TRIO: variants seen among roughly 807,000 people sequenced by gnomAD.
TRIO encodes the protein trio Rho guanine nucleotide exchange factor.
In TRIO, 58 loss-of-function variants were observed where a neutral mutation model predicts 351.9. The ratio of observed to expected loss-of-function variants is 0.16; its 90% confidence interval spans 0.13 to 0.21. The LOEUF is 0.21. TRIO is among the 10% of genes least tolerant of loss of function. The pLI is 1.00. For synonymous variants in TRIO, 1,758 were observed against 1,595.7 expected, an observed-to-expected ratio of 1.10 and a Z score of -2.42; for missense variants, 3,201 against 4,027.8, an observed-to-expected ratio of 0.79 and a Z score of 5.56.
At chr5:14,365,643 C>T (rs1436647933) in intron 15 of TRIO, among the ~76,000 whole-genome samples, 1 of 152,160 alleles carries the variant, frequency 6.6e-6, no homozygotes, top group Non-Finnish European at 1.5e-5. Context: ...TAAGAAATAA[C>T]GGAATAAATA....
At chr5:14,327,924 T>C (rs76509539) in intron 9 of TRIO, among the ~76,000 whole-genome samples, 9,710 of 152,292 alleles carry the variant, frequency 0.064, 393 homozygotes, top group African/African-American at 0.12. Flanking sequence ...TAAAAGACTG[T>C]GGGACAAACA....
intron 1 of TRIO, among the ~76,000 whole-genome samples, chr5:14,175,683 A>C (rs953200371): frequency 6.6e-6 from 1 of 152,242 alleles, no homozygotes; most frequent in African/African-American, 2.4e-5. Context: ...TTTTATTTAA[A>C]ACTAGTCACA....
At position 14,287,099 on chromosome 5, in the gene TRIO, G is replaced by T. The variant is rs536603253; in HGVS notation, c.540+36G>T. The T allele has an allele frequency of 5.0e-5, 80 of 1,595,118 alleles. No homozygotes were observed. In the South Asian group the frequency reaches 9.0e-4, roughly 18 times the overall value. On this transcript the variant is annotated intron_variant, in intron 4 of 56. Transcript: ENST00000344204. ...CCGTGTGGCTAGACCCACTAAACAA[G>T]TTGGTGTGGTTTACTAAAAGCTATT...
intron 9 of TRIO, among the ~76,000 whole-genome samples, chr5:14,325,372 G>C (rs1016668065): frequency 7.9e-5 from 12 of 152,236 alleles, no homozygotes; most frequent in African/African-American, 2.7e-4. Context: ...GGAGGCCTCA[G>C]GCTGCTTCCA....
intron 9 of TRIO, among the ~76,000 whole-genome samples, chr5:14,319,725 C>A (rs961083192): frequency 6.6e-6 from 1 of 152,018 alleles, no homozygotes; most frequent in Non-Finnish European, 1.5e-5. Flanking sequence ...TGAAAGTAAC[C>A]CCAGAGGAGT....
At chr5:14,459,755 A>T (rs1753632011) in intron 34 of TRIO, among the ~76,000 whole-genome samples, 1 of 151,998 alleles carries the variant, frequency 6.6e-6, no homozygotes, top group Admixed American at 6.5e-5. Context: ...AAACAAAGAA[A>T]AATTGGATTT....
intron 13 of TRIO, among the ~76,000 whole-genome samples, chr5:14,361,164 AT>A (rs1323999864): frequency 6.6e-6 from 1 of 151,754 alleles, no homozygotes; most frequent in Non-Finnish European, 1.5e-5. Context: ...CTTCCAGGAC[AT>A]TTTGATACTT....
At chr5:14,322,729 AT>A (rs1459191993) in intron 9 of TRIO, among the ~76,000 whole-genome samples, 1 of 152,192 alleles carries the variant, frequency 6.6e-6, no homozygotes, top group African/African-American at 2.4e-5. Flanking sequence ...AGTCATCAGA[AT>A]CATATAGCCC....
Position 14,507,192 on chromosome 5 carries a change from C to T in TRIO, c.8683C>T (p.His2895Tyr). 1 of 1,612,284 alleles carries T rather than the reference C, an allele frequency of 6.2e-7. No homozygotes were observed. Among genetic ancestry groups the T allele is most frequent in the Non-Finnish European group, 8.5e-7 (1 of 1,179,840 alleles). Residue 2895 changes from histidine (H) to tyrosine (Y), a missense_variant, in exon 56 of 57, where the codon CAC becomes TAC. Transcript: ENST00000344204. Reference protein sequence around the residue: ...GSLTEGKIRAHLGEVLEAVRY... With the variant: ...GSLTEGKIRAYLGEVLEAVRY... ...CCTCACTGAAGGGAAGATCAGGGCG[C>T]ACCTGGGGGAGGTTCTGGAAGCTGT...
intron 11 of TRIO, among the ~76,000 whole-genome samples, chr5:14,344,786 T>G (rs1275053664): frequency 1.3e-5 from 2 of 152,218 alleles, no homozygotes; most frequent in African/African-American, 4.8e-5. Context: ...ATCCTATTCT[T>G]AACATCAAAA....
At chr5:14,418,145 G>A (rs966222296) in intron 33 of TRIO, among the ~76,000 whole-genome samples, 3 of 152,198 alleles carry the variant, frequency 2.0e-5, no homozygotes, top group African/African-American at 7.2e-5. Flanking sequence ...CCAGTGGGGA[G>A]CTTAGAATAG....
At chr5:14,403,423 GAGGGTGTAGGTT>G (rs1748336972) in intron 31 of TRIO, among the ~76,000 whole-genome samples, 1 of 105,706 alleles carries the variant, frequency 9.5e-6, no homozygotes, top group Non-Finnish European at 1.9e-5. Context: ...AGGTTGTGGT[GAGGGTGTAGGTT>G]GTGGTGAGGG....
intron 4 of TRIO, among the ~76,000 whole-genome samples, chr5:14,289,940 A>C (rs1248363087): frequency 6.6e-6 from 1 of 152,242 alleles, no homozygotes; most frequent in African/African-American, 2.4e-5. Context: ...TGTAGTACAG[A>C]TTATATACAA....
chr5:14,430,187 T>C (rs1227943591), intron 34 of TRIO, among the ~76,000 whole-genome samples: 1 of 144,368 alleles, frequency 6.9e-6, no homozygotes, highest in Non-Finnish European at 1.5e-5. Context: ...ATTTGCGTGC[T>C]TTTTTTTTTA....
chr5:14,164,584 G>T (rs1445160620), intron 1 of TRIO, among the ~76,000 whole-genome samples: 5 of 152,180 alleles, frequency 3.3e-5, no homozygotes, highest in African/African-American at 1.2e-4. Flanking sequence ...TTGTTTTCCT[G>T]AGATTGCTTC....
At chr5:14,410,063 T>C (rs766981665) in intron 33 of TRIO, among the ~76,000 whole-genome samples, 2 of 152,152 alleles carry the variant, frequency 1.3e-5, no homozygotes, top group Non-Finnish European at 2.9e-5. Flanking sequence ...GCTGAGAGCA[T>C]CGGTCCTTAG....
intron 34 of TRIO, among the ~76,000 whole-genome samples, chr5:14,424,800 T>C (rs1238830322): frequency 1.3e-5 from 2 of 152,254 alleles, no homozygotes; most frequent in African/African-American, 2.4e-5. Context: ...CATATTTTCA[T>C]TCGGAACTGT....
intron 1 of TRIO, among the ~76,000 whole-genome samples, chr5:14,240,971 T>A (rs1392156531): frequency 6.6e-6 from 1 of 152,202 alleles, no homozygotes; most frequent in Non-Finnish European, 1.5e-5. Flanking sequence ...TAAGAGAAGT[T>A]CTTGGGTCCC....
intron 53 of TRIO, 85 bp downstream of exon 53, chr5:14,498,725 A>C (rs1757072641): frequency 1.3e-6 from 2 of 1,561,904 alleles, no homozygotes; most frequent in Non-Finnish European, 1.7e-6. Flanking sequence ...CTGCCCTTAC[A>C]CTCCAAGTGG....
Sources: allele counts gnomAD v4.1 joint callset (sites outside exome capture counted in the v4.1 genomes callset), GRCh38; gene constraint gnomAD v4.1.1; transcripts MANE v1.5; gene names NCBI Gene and HGNC (gene_info 2026-07-23, HGNC 2026-07-21).